MAP2K6: variants seen among roughly 807,000 people sequenced by gnomAD.
MAP2K6 encodes the protein dual specificity mitogen-activated protein kinase kinase 6.
Under a neutral mutation model 53.7 loss-of-function variants are expected in MAP2K6, and 16 were observed. That is an observed-to-expected ratio of 0.30 (90% confidence interval 0.20 to 0.45). MAP2K6 has a LOEUF of 0.45. Among genes scored for constraint, MAP2K6 ranks in the 20% least tolerant of loss-of-function variants. MAP2K6 has a pLI of 1.00. For missense variants in MAP2K6, 204 were observed against 411.9 expected, an observed-to-expected ratio of 0.50 and a Z score of 4.37; for synonymous variants, 132 against 143.1, an observed-to-expected ratio of 0.92 and a Z score of 0.55.
Position 69,454,891 on chromosome 17 carries a change from C to T in MAP2K6, c.16+39891C>T, listed in dbSNP as rs550113770. The stretch of plus-strand genomic sequence containing the variant: ...TTTAAAGGGATCTTATGGCATTTTG[C>T]TTACAAACATCGTTCTTTTCGTTTT... On this transcript the variant is annotated intron_variant, in intron 1 of 11. Coordinates refer to ENST00000590474, the MANE Select transcript of MAP2K6 (RefSeq NM_002758.4). Among the ~76,000 whole-genome samples, 24 of 152,236 alleles carry T rather than the reference C, an allele frequency of 1.6e-4. No homozygotes were observed. The South Asian group carries it at 3.3e-3, about 21-fold the overall frequency.
intron 1 of MAP2K6, among the ~76,000 whole-genome samples, chr17:69,430,151 A>AC (rs1284787748): frequency 6.6e-6 from 1 of 152,066 alleles, no homozygotes; most frequent in African/African-American, 2.4e-5. Flanking sequence ...CCATGGTGGA[A>AC]CCCCGTCTCT....
At chr17:69,492,515 A>T (rs1908791115) in intron 1 of MAP2K6, among the ~76,000 whole-genome samples, 1 of 151,932 alleles carries the variant, frequency 6.6e-6, no homozygotes, top group Non-Finnish European at 1.5e-5. Context: ...AACACCAGAA[A>T]TTTTTTCTCT....
chr17:69,509,516 T>A (rs1909700086), intron 2 of MAP2K6, among the ~76,000 whole-genome samples: 1 of 152,188 alleles, frequency 6.6e-6, no homozygotes, highest in Non-Finnish European at 1.5e-5. Flanking sequence ...TCTAGAAGCT[T>A]GTCATCGAAT....
At chr17:69,416,988 G>A (rs1327853311) in intron 1 of MAP2K6, among the ~76,000 whole-genome samples, 2 of 152,162 alleles carry the variant, frequency 1.3e-5, no homozygotes, top group Non-Finnish European at 2.9e-5. Flanking sequence ...TCTTCCCTAT[G>A]GATGTGTTTA....
chr17:69,543,504 C>G lies in MAP2K6; in HGVS notation c.*1751C>G, dbSNP rs909582003. 1 of 152,162 alleles carries G rather than the reference C, an allele frequency of 6.6e-6. No homozygotes were observed. The highest frequency in any genetic ancestry group is 2.4e-5 in the African/African-American group (1 of 41,436). The allele number at this position is 152,162 out of a possible 1,614,324, so 9.4% of individuals were successfully genotyped here. A position where few individuals can be genotyped will look rare whatever the true frequency, so the allele number is the denominator to read the frequency against. On this transcript the variant is annotated 3_prime_UTR_variant, in exon 12 of 12. Coordinates refer to ENST00000590474, the MANE Select transcript of MAP2K6 (RefSeq NM_002758.4). The stretch of plus-strand genomic sequence containing the variant: ...TGAGCTTCCTCTGCTCTGAAGCTAC[C>G]TCTGTCCTCATTTTATTCTAGCCAG...
chr17:69,549,714 A>G lies in MAP2K6; in HGVS notation c.*7961A>G, dbSNP rs989185555. 2.0e-5 allele frequency: 3 copies of G among 152,198 alleles called. No homozygotes were observed. Among genetic ancestry groups the G allele is most frequent in the Admixed American group, 6.5e-5 (1 of 15,272 alleles). 9.4% of individuals were successfully genotyped at this position (152,198 alleles called of 1,614,324 possible). ...TTAAAGATGAGCAGCAAGGTTGGGTATCTGATTTCACTAAGTAATATTCTA... is the reference window on the plus strand; with the variant it reads ...TTAAAGATGAGCAGCAAGGTTGGGTGTCTGATTTCACTAAGTAATATTCTA... On this transcript the variant is annotated 3_prime_UTR_variant, in exon 12 of 12. Transcript: ENST00000590474.
At chr17:69,445,425 A>C (rs937327815) in intron 1 of MAP2K6, among the ~76,000 whole-genome samples, 2 of 152,212 alleles carry the variant, frequency 1.3e-5, no homozygotes, top group African/African-American at 4.8e-5. Context: ...TGAAATTGTA[A>C]ATGTGGACAG....
chr17:69,533,270 A>G (rs551141294), intron 10 of MAP2K6, among the ~76,000 whole-genome samples: 43 of 152,306 alleles, frequency 2.8e-4, no homozygotes, highest in African/African-American at 8.2e-4. Context: ...CCAGAAGTGA[A>G]AAGATAAGAT....
At chr17:69,541,592 C>T in intron 11 of MAP2K6, 84 bp from the exon 12 acceptor site, 1 of 1,048,580 alleles carries the variant, frequency 9.5e-7, no homozygotes, top group Non-Finnish European at 1.4e-6. Flanking sequence ...AATCCCTGTA[C>T]CAAGCAGATC....
At chr17:69,502,615 A>G (rs1598293943) in intron 1 of MAP2K6, 1 of 985,366 alleles carries the variant, frequency 1.0e-6, no homozygotes, top group East Asian at 1.1e-4. Context: ...TCCAACTTAT[A>G]TACATAGTCA....
At chr17:69,495,992 G>A (rs180798395) in intron 1 of MAP2K6, among the ~76,000 whole-genome samples, 4 of 152,112 alleles carry the variant, frequency 2.6e-5, no homozygotes, top group Admixed American at 6.5e-5. Context: ...ACATAACTCA[G>A]GGCATTGGCT....
intron 1 of MAP2K6, among the ~76,000 whole-genome samples, chr17:69,458,480 G>A (rs1907500910): frequency 6.6e-6 from 1 of 152,160 alleles, no homozygotes; most frequent in Admixed American, 6.5e-5. Flanking sequence ...GAAGTATAAG[G>A]ACCACATTCC....
chr17:69,451,219 G>T (rs545694880), intron 1 of MAP2K6, among the ~76,000 whole-genome samples: 3 of 152,304 alleles, frequency 2.0e-5, no homozygotes, highest in African/African-American at 7.2e-5. Context: ...ATGGGAACTG[G>T]GTATTAAATA....
chr17:69,520,505 T>G, intron 6 of MAP2K6, 119 bp downstream of exon 6: 1 of 666,648 alleles, frequency 1.5e-6, no homozygotes. Flanking sequence ...TACATGTCTG[T>G]TGACATTTAT....
rs545701863 is a variant in MAP2K6 at position 69,458,532 on chromosome 17, A to G, written c.16+43532A>G. On this transcript the variant is annotated intron_variant, in intron 1 of 11. Transcript: ENST00000590474. ...CTTTAGTTGTCTCTGATTTTCCCCAAAACCGTGGACTGAAGATGCTCACCT... is the reference window on the plus strand; with the variant it reads ...CTTTAGTTGTCTCTGATTTTCCCCAGAACCGTGGACTGAAGATGCTCACCT... Among the ~76,000 whole-genome samples the G allele has an allele frequency of 2.0e-5, 3 of 152,294 alleles. No individual in the cohort carries two copies. The East Asian group carries it at 5.8e-4, about 29-fold the overall frequency.
intron 2 of MAP2K6, among the ~76,000 whole-genome samples, chr17:69,514,892 T>C (rs1373217778): frequency 2.0e-5 from 3 of 152,174 alleles, no homozygotes; most frequent in African/African-American, 7.2e-5. Flanking sequence ...TTTATTTATG[T>C]ATTCAATTTC....
rs1912030203 is a variant in MAP2K6, at chr17:69,549,998, T to C, written c.*8245T>C. ...AAAAAGCTGGCAGACAAGTATATCT[T>C]TTAATTTATTTGCAGTGTTGCTATA... On this transcript the variant is annotated 3_prime_UTR_variant, in exon 12 of 12. Coordinates refer to ENST00000590474, the MANE Select transcript of MAP2K6 (RefSeq NM_002758.4). 6.6e-6 allele frequency: 1 copy of C among 152,166 alleles called. No homozygotes were observed. Among genetic ancestry groups the C allele is most frequent in the Non-Finnish European group, 1.5e-5 (1 of 68,018 alleles). 9.4% of individuals were successfully genotyped at this position (152,166 alleles called of 1,614,324 possible).
intron 1 of MAP2K6, among the ~76,000 whole-genome samples, chr17:69,430,132 G>A (rs1906409940): frequency 6.6e-6 from 1 of 152,126 alleles, no homozygotes; most frequent in Admixed American, 6.5e-5. Context: ...TTCGAGACCA[G>A]CCTGTCCACC....
rs1413400871 is a variant in MAP2K6 at position 69,524,829 on chromosome 17, C to A, written c.664-72C>A. 9 of 1,178,002 alleles carry A rather than the reference C, an allele frequency of 7.6e-6. No homozygotes were observed. In the African/African-American group the frequency reaches 1.1e-4, roughly 14 times the overall value. 73.0% of individuals were successfully genotyped at this position (1,178,002 alleles called of 1,614,324 possible). ...TTGGCAGCTGGTGCTACCCCCATCC[C>A]CAGAGACTATTGAGCTAAGAACGTT... is the stretch of plus-strand genomic sequence containing the variant. On this transcript the variant is annotated intron_variant, in intron 8 of 11. Coordinates refer to ENST00000590474, the MANE Select transcript of MAP2K6 (RefSeq NM_002758.4).
Sources: allele counts gnomAD v4.1 joint callset (sites outside exome capture counted in the v4.1 genomes callset), GRCh38; gene constraint gnomAD v4.1.1; transcripts MANE v1.5; gene names NCBI Gene and HGNC (gene_info 2026-07-23, HGNC 2026-07-21).